The following ZZZ3 variants were observed in gnomAD, a reference collection of about 807,000 sequenced individuals.
ZZZ3 encodes the protein zinc finger ZZ-type containing 3.
Under a neutral mutation model 95.2 loss-of-function variants are expected in ZZZ3, and 22 were observed. The ratio of observed to expected loss-of-function variants is 0.23; its 90% CI spans 0.17 to 0.33. The LOEUF is 0.33. Among genes scored for constraint, ZZZ3 ranks in the 10% least tolerant of loss-of-function variants. ZZZ3 has a pLI of 1.00. For missense variants in ZZZ3, 885 were observed against 1,066.5 expected, an observed-to-expected ratio of 0.83 and a Z score of 2.37; for synonymous variants, 335 against 358.9, an observed-to-expected ratio of 0.93 and a Z score of 0.75.
intron 5 of ZZZ3, among the ~76,000 whole-genome samples, chr1:77,619,471 C>T (rs920455376): frequency 7.2e-5 from 11 of 152,128 alleles, no homozygotes; most frequent in Admixed American, 2.0e-4. Context: ...CATTTTCTTT[C>T]AAGTCCTTCA....
At chr1:77,627,221 A>G (rs1667414586) in intron 5 of ZZZ3, among the ~76,000 whole-genome samples, 1 of 152,314 alleles carries the variant, frequency 6.6e-6, no homozygotes, top group East Asian at 1.9e-4. Flanking sequence ...AATAATCTAA[A>G]ATTCTTAATT....
rs976887407 is a variant in ZZZ3 at position 77,680,426 on chromosome 1, A to C, written c.-403+2159T>G. On this transcript the variant is annotated intron_variant, in intron 1 of 14. Transcript: ENST00000370801. ...TTTCAGTATCAACCTCTACACTCCC[A>C]ATGTCCCCTTTTCCTCTTTCCAACA... 2.0e-5 allele frequency among the ~76,000 whole-genome samples: 3 copies of C among 152,218 alleles called. No homozygotes were observed. The East Asian group carries it at 5.8e-4, about 29-fold the overall frequency.
chr1:77,628,399 G>A (rs1667505614), intron 5 of ZZZ3, among the ~76,000 whole-genome samples: 2 of 152,116 alleles, frequency 1.3e-5, no homozygotes, highest in African/African-American at 4.8e-5. Context: ...TTCTCACAGT[G>A]GGGTTCTCCA....
At chr1:77,582,618 T>A (rs1421374769) in intron 6 of ZZZ3, among the ~76,000 whole-genome samples, 1 of 150,066 alleles carries the variant, frequency 6.7e-6, no homozygotes, top group Non-Finnish European at 1.5e-5. Context: ...AAATTAAACC[T>A]AGTAGGAAAA....
At chr1:77,633,943 G>A (rs893513899) in intron 4 of ZZZ3, among the ~76,000 whole-genome samples, 5 of 152,104 alleles carry the variant, frequency 3.3e-5, no homozygotes, top group Admixed American at 3.3e-4. Context: ...AGGCTGAGGC[G>A]GGAGGATCAT....
intron 5 of ZZZ3, among the ~76,000 whole-genome samples, chr1:77,601,645 TAA>T (rs1162655302): frequency 6.6e-6 from 1 of 151,970 alleles, no homozygotes; most frequent in Non-Finnish European, 1.5e-5. Flanking sequence ...TAGCTTAGAG[TAA>T]AAGAGAGAAA....
At chr1:77,615,996 A>G (rs1666273554) in intron 5 of ZZZ3, among the ~76,000 whole-genome samples, 1 of 152,228 alleles carries the variant, frequency 6.6e-6, no homozygotes, top group African/African-American at 2.4e-5. Flanking sequence ...GGAAATAACC[A>G]CAATGACATG....
intron 1 of ZZZ3, among the ~76,000 whole-genome samples, chr1:77,674,916 C>A (rs139528826): frequency 6.0e-4 from 90 of 148,862 alleles, no homozygotes; most frequent in African/African-American, 1.8e-3. Context: ...CACACCACTG[C>A]ACTCCAGCCT....
intron 5 of ZZZ3, among the ~76,000 whole-genome samples, chr1:77,593,455 A>G (rs1663917427): frequency 6.6e-6 from 1 of 152,256 alleles, no homozygotes; most frequent in Non-Finnish European, 1.5e-5. Context: ...ACGGTTCAAA[A>G]GCATGAAAAA....
chr1:77,579,734 C>A, intron 9 of ZZZ3, 106 bp from the exon 10 acceptor site: 1 of 688,884 alleles, frequency 1.5e-6, no homozygotes, highest in South Asian at 2.0e-5. Context: ...AATACTCTCT[C>A]CCACCTTTGG....
At chr1:77,670,257 C>A (rs1275735087) in intron 1 of ZZZ3, among the ~76,000 whole-genome samples, 1 of 129,978 alleles carries the variant, frequency 7.7e-6, no homozygotes, top group Non-Finnish European at 1.6e-5. Flanking sequence ...ATACAACATG[C>A]AATTTTTTTT....
At chr1:77,600,336 T>C (rs1664612388) in intron 5 of ZZZ3, among the ~76,000 whole-genome samples, 1 of 152,210 alleles carries the variant, frequency 6.6e-6, no homozygotes, top group Admixed American at 6.5e-5. Flanking sequence ...TTCACCCATT[T>C]ATTCATTAAT....
At chr1:77,610,011 T>C (rs1220794893) in intron 5 of ZZZ3, among the ~76,000 whole-genome samples, 5 of 151,058 alleles carry the variant, frequency 3.3e-5, no homozygotes, top group African/African-American at 9.7e-5. Context: ...AGAAATCATA[T>C]AGATCAGAAG....
At chr1:77,640,548 C>T (rs1163273663) in intron 3 of ZZZ3, among the ~76,000 whole-genome samples, 1 of 145,468 alleles carries the variant, frequency 6.9e-6, no homozygotes, top group Non-Finnish European at 1.5e-5. Context: ...TGCAGTGAGC[C>T]AAGATCACCC....
chr1:77,669,723 GCTA>G (rs2101049547), intron 1 of ZZZ3, among the ~76,000 whole-genome samples: 1 of 152,084 alleles, frequency 6.6e-6, no homozygotes, highest in South Asian at 2.1e-4. Context: ...CTCCCAAAGA[GCTA>G]CTATTACAGG....
chr1:77,645,073 T>G (rs1411829469), intron 1 of ZZZ3, among the ~76,000 whole-genome samples: 3 of 150,148 alleles, frequency 2.0e-5, no homozygotes, highest in Non-Finnish European at 4.4e-5. Context: ...AAAAAAAAAA[T>G]GCACACAATA....
chr1:77,633,163 A>G lies in ZZZ3; in HGVS notation c.192T>C (p.Asn64=), dbSNP rs1667966812. Residue 64 remains asparagine, a synonymous_variant, in exon 5 of 15, where the codon AAT becomes AAC. Coordinates refer to ENST00000370801, the MANE Select transcript of ZZZ3 (RefSeq NM_015534.6). Reference sequence around the variant, plus strand: ...GTTTTAAATCAGTGGTTCTCCCATTATTATTTCCTTTCTGAATTGGCACAG... The same window carrying G: ...GTTTTAAATCAGTGGTTCTCCCATTGTTATTTCCTTTCTGAATTGGCACAG... ...PEPVPIQKGN[N]NGRTTDLKQQ... 1 of 1,613,816 alleles carries G rather than the reference A, an allele frequency of 6.2e-7. No individual in the cohort carries two copies. Among genetic ancestry groups the G allele is most frequent in the Admixed American group, 1.7e-5 (1 of 59,970 alleles).
At chr1:77,609,942 T>C (rs1665619756) in intron 5 of ZZZ3, among the ~76,000 whole-genome samples, 1 of 151,132 alleles carries the variant, frequency 6.6e-6, no homozygotes, top group South Asian at 2.1e-4. Flanking sequence ...AACAAAAAAC[T>C]TCAAATAGAT....
intron 1 of ZZZ3, among the ~76,000 whole-genome samples, chr1:77,679,557 A>G (rs1023927550): frequency 2.6e-5 from 4 of 152,136 alleles, no homozygotes; most frequent in Non-Finnish European, 5.9e-5. Context: ...AAGTGCTTGT[A>G]TTACAGGCGT....
Sources: gnomAD v4.1 joint callset for allele counts (sites outside exome capture counted in the v4.1 genomes callset) on GRCh38, gnomAD v4.1.1 for gene constraint, MANE v1.5 for transcripts, NCBI Gene and HGNC (gene_info 2026-07-23, HGNC 2026-07-21) for gene names.